The following SOX5 variants were observed in gnomAD, a reference collection of about 807,000 sequenced individuals.
SOX5 encodes transcription factor SOX-5.
In SOX5, 9 loss-of-function variants were observed where a neutral mutation model predicts 92.0. The observed-to-expected ratio is 0.10, with a 90% CI of 0.06 to 0.17. SOX5 has a LOEUF of 0.17. SOX5 is among the 10% of genes least tolerant of loss of function. The pLI is 1.00. For synonymous variants in SOX5, 344 were observed against 336.3 expected (o/e 1.02, Z -0.25); for missense variants, 642 against 944.5 (o/e 0.68, Z 4.20).
chr12:23,802,284 G>T (rs1387570731), intron 3 of SOX5, among the ~76,000 whole-genome samples: 1 of 151,880 alleles, frequency 6.6e-6, no homozygotes, highest in Non-Finnish European at 1.5e-5. Context: ...GTTTCACCTT[G>T]TTAGCCAGGA....
chr12:23,792,659 A>AAAAAAAAAAAAAAAAAAAAC (rs2095496767), intron 3 of SOX5, among the ~76,000 whole-genome samples: 1 of 132,460 alleles, frequency 7.5e-6, no homozygotes, highest in African/African-American at 2.7e-5. Context: ...AAAAAAAAAA[A>AAAAAAAAAAAAAAAAAAAAC]AAACTTGGAC....
intron 3 of SOX5, among the ~76,000 whole-genome samples, chr12:23,766,420 G>A (rs182223037): frequency 8.5e-5 from 13 of 152,142 alleles, no homozygotes; most frequent in Non-Finnish European, 1.5e-4. Flanking sequence ...CAAAATCATA[G>A]GAGGCTTTCT....
chr12:23,980,212 C>G (rs942104089), intron 4 of SOX5, among the ~76,000 whole-genome samples: 3 of 151,904 alleles, frequency 2.0e-5, no homozygotes, highest in Non-Finnish European at 4.4e-5. Context: ...CTTGAATATT[C>G]TTTTCATACT....
At chr12:23,650,662 T>C (rs1339927310) in intron 7 of SOX5, among the ~76,000 whole-genome samples, 3 of 152,120 alleles carry the variant, frequency 2.0e-5, no homozygotes, top group South Asian at 2.1e-4. Context: ...AGAACAACTA[T>C]ATTTATGCCT....
chr12:23,916,545 T>A (rs1472458609), intron 1 of SOX5, among the ~76,000 whole-genome samples: 1 of 152,192 alleles, frequency 6.6e-6, no homozygotes, highest in Non-Finnish European at 1.5e-5. Context: ...GCTGTGGGTG[T>A]ACTGTCAAGA....
At chr12:23,632,992 AATG>A (rs1329980096) in intron 8 of SOX5, among the ~76,000 whole-genome samples, 1 of 152,144 alleles carries the variant, frequency 6.6e-6, no homozygotes, top group Non-Finnish European at 1.5e-5. Context: ...AGTCAATAAA[AATG>A]ATGATTGGAT....
chr12:23,580,578 A>C lies in SOX5; in HGVS notation c.1165-4740T>G, dbSNP rs148328609. Among the ~76,000 whole-genome samples the C allele has an allele frequency of 2.2e-3, 339 of 152,168 alleles. 3 individuals carry two copies. The highest frequency in any genetic ancestry group is 7.6e-3 in the African/African-American group (314 of 41,562). ...TCATGTACACATGGTACAAGAAAAT[A>C]ATATTTTATATAATCAAATACAAGT... On this transcript the variant is annotated intron_variant, in intron 9 of 14. Coordinates refer to ENST00000451604, the MANE Select transcript of SOX5 (RefSeq NM_006940.6).
intron 8 of SOX5, among the ~76,000 whole-genome samples, chr12:23,630,333 A>T (rs2078367530): frequency 6.6e-6 from 1 of 151,974 alleles, no homozygotes; most frequent in South Asian, 2.1e-4. Context: ...CCCTTCATGT[A>T]ACTGCCCAGA....
intron 6 of SOX5, among the ~76,000 whole-genome samples, chr12:23,695,704 G>T (rs2089688231): frequency 6.6e-6 from 1 of 151,828 alleles, no homozygotes; most frequent in South Asian, 2.1e-4. Context: ...CACTTTGGGA[G>T]GCCAAGGCGA....
intron 4 of SOX5, among the ~76,000 whole-genome samples, chr12:23,982,801 A>G (rs1208822326): frequency 6.7e-6 from 1 of 149,334 alleles, no homozygotes; most frequent in Non-Finnish European, 1.5e-5. Flanking sequence ...AATTGATAGT[A>G]ATAATAATAT....
intron 1 of SOX5, among the ~76,000 whole-genome samples, chr12:24,422,327 G>A (rs1016288149): frequency 5.3e-5 from 8 of 152,100 alleles, no homozygotes; most frequent in Non-Finnish European, 1.2e-4. Context: ...AGGAAATTAG[G>A]AGGGACCATA....
intron 1 of SOX5, among the ~76,000 whole-genome samples, chr12:24,444,181 T>G (rs1205637640): frequency 6.6e-6 from 1 of 152,196 alleles, no homozygotes; most frequent in African/African-American, 2.4e-5. Context: ...ATTGTTTGTT[T>G]CTTAGCTAGG....
intron 2 of SOX5, among the ~76,000 whole-genome samples, chr12:24,297,648 A>G (rs1429475085): frequency 2.6e-5 from 4 of 152,248 alleles, no homozygotes; most frequent in African/African-American, 9.6e-5. Flanking sequence ...TTCTCACTGC[A>G]TTCCCAGTGC....
At chr12:24,407,872 C>G (rs546813106) in intron 1 of SOX5, among the ~76,000 whole-genome samples, 1 of 152,160 alleles carries the variant, frequency 6.6e-6, no homozygotes, top group African/African-American at 2.4e-5. Flanking sequence ...TAGGGAATTT[C>G]GAGGTTTCTA....
chr12:23,948,221 TAA>T (rs5797050), intron 1 of SOX5, among the ~76,000 whole-genome samples: 12 of 147,670 alleles, frequency 8.1e-5, no homozygotes, highest in East Asian at 2.0e-4. Flanking sequence ...ATTTAATTAT[TAA>T]AAAAAAAAAC....
In SOX5 at chr12:23,710,607, A is replaced by C. The variant is rs549811344; in HGVS notation, c.810+24077T>G. 2.2e-4 allele frequency among the ~76,000 whole-genome samples: 33 copies of C among 152,284 alleles called. 1 individual carries two copies. Among genetic ancestry groups the C allele is most frequent in the African/African-American group, 7.2e-4 (30 of 41,546 alleles). Reference sequence around the variant, plus strand: ...ATGGCTGCATAGTATTCCATGGTGTATATGTGCCACATTTTCTTAATCCAG... The same window carrying C: ...ATGGCTGCATAGTATTCCATGGTGTCTATGTGCCACATTTTCTTAATCCAG... On this transcript the variant is annotated intron_variant, in intron 6 of 14. Coordinates refer to ENST00000451604, the MANE Select transcript of SOX5 (RefSeq NM_006940.6).
At chr12:24,143,635 A>C (rs1009525276) in intron 4 of SOX5, among the ~76,000 whole-genome samples, 2 of 152,198 alleles carry the variant, frequency 1.3e-5, no homozygotes, top group Non-Finnish European at 2.9e-5. Context: ...GAGGGAAAAA[A>C]AGATTAGTGA....
chr12:24,097,279 A>T (rs1945537829), intron 4 of SOX5, among the ~76,000 whole-genome samples: 1 of 152,146 alleles, frequency 6.6e-6, no homozygotes, highest in Non-Finnish European at 1.5e-5. Flanking sequence ...CAGTAGACTT[A>T]TTATATACAA....
chr12:24,044,400 G>A (rs1956808746), intron 4 of SOX5, among the ~76,000 whole-genome samples: 1 of 152,182 alleles, frequency 6.6e-6, no homozygotes, highest in Non-Finnish European at 1.5e-5. Context: ...TCTAGTCCGG[G>A]AGGGGCAAGG....
Sources: gnomAD v4.1 joint callset for allele counts (sites outside exome capture counted in the v4.1 genomes callset) on GRCh38, gnomAD v4.1.1 for gene constraint, MANE v1.5 for transcripts, NCBI Gene and HGNC (gene_info 2026-07-23, HGNC 2026-07-21) for gene names.